Variants in USP42 observed in about 807,000 individuals in gnomAD.
The protein encoded by USP42 is ubiquitin specific peptidase 42, also known as ubiquitin carboxyl-terminal hydrolase 42.
Under a neutral mutation model 113.0 loss-of-function variants are expected in USP42, and 23 were observed. That is an observed-to-expected ratio of 0.20 (90% CI 0.15 to 0.29). The LOEUF is 0.29. USP42 is among the 10% of genes least tolerant of loss of function. The pLI is 1.00. For synonymous variants in USP42, 933 were observed against 699.0 expected (o/e 1.33, Z -5.28); for missense variants, 2,174 against 1,779.8 (o/e 1.22, Z -3.99).
At chr7:6,084,336 G>T in the USP42 span, 10 of 151,430 alleles carry the variant, frequency 6.6e-5, 1 homozygote, top group East Asian at 3.9e-4. Context: ...CCTGAAGAGG[G>T]TTTTGATCTA....
At chr7:6,138,686 T>C (rs781271371) in intron 4 of USP42, among the ~76,000 whole-genome samples, 12 of 152,172 alleles carry the variant, frequency 7.9e-5, no homozygotes, top group Non-Finnish European at 7.4e-5. Flanking sequence ...CATCCCCACC[T>C]GAGCTCCGCC....
At chr7:6,151,230 G>A (rs1782030132) in intron 14 of USP42, among the ~76,000 whole-genome samples, 1 of 152,228 alleles carries the variant, frequency 6.6e-6, no homozygotes. Flanking sequence ...GGAGGCCTGG[G>A]ACGGTACACT....
At chr7:6,140,723 GA>G (rs1781384727) in intron 6 of USP42, among the ~76,000 whole-genome samples, 190 bp from the exon 7 acceptor site, 1 of 152,172 alleles carries the variant, frequency 6.6e-6, no homozygotes, top group Admixed American at 6.5e-5. Flanking sequence ...AATAGTATAT[GA>G]GGGGCCAAAT....
chr7:6,082,603 GTT>G, the USP42 span, among the ~76,000 whole-genome samples: 3 of 90,190 alleles, frequency 3.3e-5, no homozygotes, highest in African/African-American at 1.0e-4. Context: ...CTTTCTTTCT[GTT>G]TTTTTTTTTT....
At chr7:6,099,423 C>G in the USP42 span, among the ~76,000 whole-genome samples, 1 of 149,314 alleles carries the variant, frequency 6.7e-6, no homozygotes, top group Admixed American at 6.6e-5. Flanking sequence ...ACAGTGTTAG[C>G]CAGGATTGTC....
At chr7:6,084,987 G>A in the USP42 span, among the ~76,000 whole-genome samples, 2 of 151,066 alleles carry the variant, frequency 1.3e-5, no homozygotes, top group Non-Finnish European at 1.5e-5. Context: ...TCAGAGTGCT[G>A]CGATTACAGG....
intron 14 of USP42, among the ~76,000 whole-genome samples, chr7:6,152,585 G>T (rs1782136249): frequency 6.6e-6 from 1 of 152,142 alleles, no homozygotes. Context: ...TGTGGGCAGG[G>T]AACACTCATT....
intron 1 of USP42, among the ~76,000 whole-genome samples, chr7:6,107,126 G>T (rs961299870): frequency 1.3e-5 from 2 of 152,166 alleles, no homozygotes; most frequent in African/African-American, 4.8e-5. Context: ...CGAATGGATA[G>T]CTTTGGTTGG....
chr7:6,143,771 C>A (rs1356404137), intron 8 of USP42, among the ~76,000 whole-genome samples: 1 of 151,970 alleles, frequency 6.6e-6, no homozygotes, highest in African/African-American at 2.4e-5. Flanking sequence ...CCAGTCTGAA[C>A]ATGTTCGTTT....
At chr7:6,118,494 T>G (rs1309256218) in intron 3 of USP42, among the ~76,000 whole-genome samples, 1 of 151,594 alleles carries the variant, frequency 6.6e-6, no homozygotes, top group Non-Finnish European at 1.5e-5. Flanking sequence ...TTTATTCCAG[T>G]CTGGGTGACA....
rs747001372 is a variant in USP42, at chr7:6,154,024, T to C, written c.2470T>C (p.Leu824=). ...CCCTGACCTGTGTGATCCCGGGAGC[T>C]TAACAGGCGATGCGAGCCCGTTGTC... The part of the protein sequence containing the change: ...APPDLCDPGS[L]TGDASPLSQD... The change falls in exon 15 of 18, where the codon TTA becomes CTA. Residue 824 remains leucine, a synonymous_variant. Coordinates refer to ENST00000306177, the MANE Select transcript of USP42 (RefSeq NM_032172.3). The C allele has an allele frequency of 3.1e-6, 5 of 1,604,492 alleles. No individual in the cohort carries two copies. In the African/African-American group the frequency reaches 5.3e-5, roughly 17 times the overall value.
chr7:6,107,752 C>T (rs952915343), intron 1 of USP42, among the ~76,000 whole-genome samples: 1 of 152,068 alleles, frequency 6.6e-6, no homozygotes, highest in Non-Finnish European at 1.5e-5. Flanking sequence ...TGTCCCCACA[C>T]TGTTTCATAA....
chr7:6,142,853 C>G, intron 7 of USP42, 79 bp from the exon 8 acceptor site: 1 of 1,419,702 alleles, frequency 7.0e-7, no homozygotes, highest in South Asian at 1.2e-5. Flanking sequence ...CACTGCACTC[C>G]AGCCTGGGTG....
In USP42 at chr7:6,149,922, A is replaced by G. The variant is rs1267639097; in HGVS notation, c.1726A>G (p.Ser576Gly). Residue 576 changes from serine to glycine, a missense_variant, in exon 13 of 18, where the codon AGT becomes GGT. Coordinates refer to ENST00000306177, the MANE Select transcript of USP42 (RefSeq NM_032172.3). ...GAACGCATCTACGATGTCAGTTTCTAGTAAAGTAACAAAACCGATCCCCCG... is the reference window on the plus strand; with the variant it reads ...GAACGCATCTACGATGTCAGTTTCTGGTAAAGTAACAAAACCGATCCCCCG... ...TSNASTMSVS[S>G]KVTKPIPRSE... 2 of 1,614,036 alleles carry G rather than the reference A, an allele frequency of 1.2e-6. No homozygotes were observed. The highest frequency in any genetic ancestry group is 3.3e-4 in the Middle Eastern group (2 of 6,062).
rs1782585813 is a variant in USP42 at position 6,158,464 on chromosome 7, G to A, written c.3944-986G>A. Among the ~76,000 whole-genome samples the A allele has an allele frequency of 6.6e-6, 1 of 150,522 alleles. No individual in the cohort carries two copies. The highest frequency in any genetic ancestry group is 2.4e-5 in the African/African-American group (1 of 41,088). ...GCTGAGTTGTGGGTTAGGTGGAGCT[G>A]TGTGTTCTGGGGAAGGCCTGTCCCT... On this transcript the variant is annotated intron_variant, in intron 16 of 17. Transcript: ENST00000306177. This position sits in a 1 kb window ranked among gnomAD's most constrained non-coding sequence, Gnocchi z 4.2.
At position 6,141,025 on chromosome 7, in the gene USP42, A is replaced by T. The variant is rs1781399625; in HGVS notation, c.795+41A>T. 4 of 1,069,628 alleles carry T rather than the reference A, an allele frequency of 3.7e-6. No homozygotes were observed. The South Asian group carries it at 4.6e-5, about 12-fold the overall frequency. 66.3% of individuals were successfully genotyped at this position (1,069,628 alleles called of 1,614,324 possible). On this transcript the variant is annotated intron_variant, in intron 7 of 17. Transcript: ENST00000306177. ...ATGGGAGTAATTACATTTTTAAAAT[A>T]AGTCATTTTATGTAACTGTAGTTCA...
chr7:6,155,053 G>A lies in USP42; in HGVS notation c.3499G>A (p.Val1167Met). The part of the protein sequence containing the change: ...GKSRKRRHDS[V>M]ENSDSHVEKK... The stretch of plus-strand genomic sequence containing the variant: ...GTCCCGGAAACGGAGACACGACAGT[G>A]TGGAGAACAGTGACAGTCATGTTGA... The change falls in exon 15 of 18, where the codon GTG (valine) becomes ATG (methionine). Residue 1167 changes from valine to methionine, a missense_variant. Physicochemically the swap from Val to Met is conservative, Grantham distance 21. Coordinates refer to ENST00000306177, the MANE Select transcript of USP42 (RefSeq NM_032172.3). 2 of 1,563,008 alleles carry A rather than the reference G, an allele frequency of 1.3e-6. No homozygotes were observed. The highest frequency in any genetic ancestry group is 1.2e-5 in the South Asian group (1 of 84,582).
the USP42 span, among the ~76,000 whole-genome samples, chr7:6,089,349 C>G: frequency 6.6e-6 from 1 of 150,406 alleles, no homozygotes; most frequent in Non-Finnish European, 1.5e-5. Flanking sequence ...CCTGGTTGAG[C>G]TCTTTGGTGT....
chr7:6,122,169 C>G (rs1315185066), intron 3 of USP42, among the ~76,000 whole-genome samples: 5 of 151,918 alleles, frequency 3.3e-5, no homozygotes, highest in African/African-American at 9.7e-5. Context: ...AGTCTTAGGT[C>G]ATTTGATTTG....
Sources: gnomAD v4.1 joint callset for allele counts (sites outside exome capture counted in the v4.1 genomes callset) on GRCh38, gnomAD v4.1.1 for gene constraint, Gnocchi (gnomAD v3.1) non-coding constraint, MANE v1.5 for transcripts, NCBI Gene and HGNC (gene_info 2026-07-23, HGNC 2026-07-21) for gene names.